Variants in NPHP4 observed in about 807,000 individuals in gnomAD.
NPHP4 encodes the protein nephrocystin-4.
NPHP4 carries 151 observed loss-of-function variants against 155.8 expected under a neutral mutation model. The ratio of observed to expected loss-of-function variants is 0.97; its 90% CI spans 0.85 to 1.11. NPHP4 has a LOEUF of 1.11. NPHP4 is among the 50% of genes least tolerant of loss of function. NPHP4 has a pLI of 0.00. For missense variants in NPHP4, 1,956 were observed against 1,925.7 expected (o/e 1.02, Z -0.29); for synonymous variants, 845 against 816.8 (o/e 1.03, Z -0.59).
intron 2 of NPHP4, among the ~76,000 whole-genome samples, chr1:5,980,211 C>T (rs1553201797): frequency 6.6e-6 from 1 of 152,196 alleles, no homozygotes; most frequent in Non-Finnish European, 1.5e-5. Context: ...ACCAACCCTG[C>T]GCTTCCCCAG....
chr1:5,874,733 G>GC, intron 21 of NPHP4, 76 bp from the exon 22 acceptor site: 1 of 1,534,780 alleles, frequency 6.5e-7, no homozygotes, highest in Non-Finnish European at 8.9e-7. Flanking sequence ...CCCACCCACC[G>GC]AGAGCGGTGC....
At chr1:5,950,865 A>G (rs556863884) in intron 7 of NPHP4, among the ~76,000 whole-genome samples, 1 of 152,322 alleles carries the variant, frequency 6.6e-6, no homozygotes, top group East Asian at 1.9e-4. Flanking sequence ...AAATAGCCCA[A>G]AAGTCCATCA....
chr1:5,874,854 G>C lies in NPHP4; in HGVS notation c.3044+20C>G. On this transcript the variant is annotated intron_variant, in intron 21 of 29. Transcript: ENST00000378156. ...ACACAGATCTGGGCTGGGGCAGGAC[G>C]GGCACCACTGAGACCTCACCTGAGC... is the stretch of plus-strand genomic sequence containing the variant. 6.2e-7 allele frequency: 1 copy of C among 1,604,706 alleles called. No individual in the cohort carries two copies.
intron 5 of NPHP4, among the ~76,000 whole-genome samples, chr1:5,962,493 G>A (rs1048017155): frequency 2.6e-5 from 4 of 152,194 alleles, no homozygotes; most frequent in South Asian, 2.1e-4. Flanking sequence ...ACCCTGGCCC[G>A]AGGCCTGCCT....
At chr1:5,886,123 C>T (rs1322174874) in intron 18 of NPHP4, among the ~76,000 whole-genome samples, 2 of 152,226 alleles carry the variant, frequency 1.3e-5, no homozygotes, top group African/African-American at 2.4e-5. Context: ...ATAAAAACAA[C>T]CAACTCGGTC....
chr1:5,932,911 T>C (rs570525358), intron 10 of NPHP4, among the ~76,000 whole-genome samples: 1 of 151,874 alleles, frequency 6.6e-6, no homozygotes, highest in Non-Finnish European at 1.5e-5. Flanking sequence ...CAGCTGGAGG[T>C]TCACCAAGTC....
At chr1:5,990,834 A>C (rs184346310) in intron 1 of NPHP4, among the ~76,000 whole-genome samples, 2 of 152,284 alleles carry the variant, frequency 1.3e-5, no homozygotes, top group East Asian at 3.9e-4. Flanking sequence ...CAGCCTCCCC[A>C]CCTGTTTCCA....
chr1:5,937,200 G>C (rs116109223), intron 9 of NPHP4, among the ~76,000 whole-genome samples: 2,334 of 152,170 alleles, frequency 0.015, 27 homozygotes, highest in Non-Finnish European at 0.022. Flanking sequence ...TGTCACACCA[G>C]GGGTTTCCTG....
chr1:5,924,319 A>G (rs1390396154), intron 11 of NPHP4, among the ~76,000 whole-genome samples: 1 of 152,136 alleles, frequency 6.6e-6, no homozygotes, highest in Non-Finnish European at 1.5e-5. Context: ...CAGAAGAAAT[A>G]TGTGAAGAAA....
chr1:5,905,778 C>G lies in NPHP4; in HGVS notation c.1617G>C (p.Glu539Asp), dbSNP rs1352782560. The stretch of plus-strand genomic sequence containing the variant: ...GGGAGATACCGGCCTCCAACGGGAA[C>G]TCCTGCTGAACAAAACGAGGGCTTC... Reference protein sequence around the residue: ...GSQASPAQAQEFPLEAGISHL... With the variant: ...GSQASPAQAQDFPLEAGISHL... Residue 539 changes from glutamate to aspartate, a missense_variant, in exon 14 of 30, where the codon GAG becomes GAC. Physicochemically the swap from Glu to Asp is conservative, Grantham distance 45 (BLOSUM62 2). Transcript: ENST00000378156. The surrounding 1 kb of genome is among the most constrained non-coding windows in gnomAD (Gnocchi z 4.0). 1 of 1,606,106 alleles carries G rather than the reference C, an allele frequency of 6.2e-7. No individual in the cohort carries two copies. Among genetic ancestry groups the G allele is most frequent in the Non-Finnish European group, 8.5e-7 (1 of 1,176,140 alleles).
Position 5,874,419 on chromosome 1 carries a change from T to A in NPHP4, c.3231+52A>T, listed in dbSNP as rs1474767996. The A allele has an allele frequency of 2.1e-6, 3 of 1,442,702 alleles. No homozygotes were observed. The East Asian group carries it at 7.5e-5, about 36-fold the overall frequency. 89.4% of individuals were successfully genotyped at this position (1,442,702 alleles called of 1,614,324 possible). A position where few individuals can be genotyped will look rare whatever the true frequency, so the allele number is the denominator to read the frequency against. ...GGTGGAGACTGGAAGCATTCTCAATTTCCCACCGTCATCAGCCAAATGCAA... is the reference window on the plus strand; with the variant it reads ...GGTGGAGACTGGAAGCATTCTCAATATCCCACCGTCATCAGCCAAATGCAA... On this transcript the variant is annotated intron_variant, in intron 22 of 29. Coordinates refer to ENST00000378156, the MANE Select transcript of NPHP4 (RefSeq NM_015102.5).
chr1:5,905,718 G>A lies in NPHP4; in HGVS notation c.1677C>T (p.Val559=), dbSNP rs766269440. Reference sequence around the variant, plus strand: ...ACTGTTCGGCAATGGATGTTTCCAGGACCAGGGAGGTCTGGCTCAGGTCGG... The same window carrying A: ...ACTGTTCGGCAATGGATGTTTCCAGAACCAGGGAGGTCTGGCTCAGGTCGG... The part of the protein sequence containing the change: ...LEADLSQTSL[V]LETSIAEQLQ... Residue 559 remains valine, a synonymous_variant, in exon 14 of 30, where the codon GTC becomes GTT. Transcript: ENST00000378156. This position sits in a 1 kb window ranked among gnomAD's most constrained non-coding sequence, Gnocchi z 4.0. The A allele has an allele frequency of 6.2e-7, 1 of 1,613,638 alleles. No individual in the cohort carries two copies. The highest frequency in any genetic ancestry group is 8.5e-7 in the Non-Finnish European group (1 of 1,179,718).
intron 11 of NPHP4, among the ~76,000 whole-genome samples, chr1:5,917,646 T>G (rs1645543882): frequency 6.6e-6 from 1 of 152,216 alleles, no homozygotes. Context: ...TGTTTTACTG[T>G]GGGCCAGGAC....
At chr1:5,925,612 T>TGTTTG (rs1645960905) in intron 11 of NPHP4, among the ~76,000 whole-genome samples, 1 of 152,016 alleles carries the variant, frequency 6.6e-6, no homozygotes, top group South Asian at 2.1e-4. Context: ...GGTTTTTTTT[T>TGTTTG]GTTTGTTTTG....
intron 9 of NPHP4, among the ~76,000 whole-genome samples, chr1:5,940,305 G>A (rs540497878): frequency 1.3e-5 from 2 of 152,128 alleles, no homozygotes; most frequent in South Asian, 4.2e-4. Context: ...CTTTCGCTAG[G>A]GAGTGACGTA....
chr1:5,916,765 T>C (rs1278185721), intron 11 of NPHP4, among the ~76,000 whole-genome samples: 1 of 152,224 alleles, frequency 6.6e-6, no homozygotes, highest in Non-Finnish European at 1.5e-5. Flanking sequence ...ATCCCAGCAT[T>C]CTGGGGCCAA....
rs369703686 is a variant in NPHP4 at position 5,874,917 on chromosome 1, T to C, written c.3001A>G (p.Thr1001Ala). The C allele has an allele frequency of 1.1e-5, 17 of 1,613,444 alleles. No individual in the cohort carries two copies. The highest frequency in any genetic ancestry group is 1.4e-5 in the Non-Finnish European group (17 of 1,179,848). The change falls in exon 21 of 30, where the codon ACA becomes GCA. Residue 1001 changes from threonine to alanine, a missense_variant. By Grantham distance (58) the Thr-to-Ala change is moderately conservative. Coordinates refer to ENST00000378156, the MANE Select transcript of NPHP4 (RefSeq NM_015102.5). ...ATCTCCACAGTCACCGTGTGCTGTGTGTTGTGGGGGTTCTTAAGCACAAAC... is the reference window on the plus strand; with the variant it reads ...ATCTCCACAGTCACCGTGTGCTGTGCGTTGTGGGGGTTCTTAAGCACAAAC... ...FEFVLKNPHNTQHTVTVEIDN... is the reference protein window; with the variant it reads ...FEFVLKNPHNAQHTVTVEIDN...
chr1:5,875,217 G>GCCA, intron 20 of NPHP4, 117 bp from the exon 21 acceptor site: 1 of 799,516 alleles, frequency 1.3e-6, no homozygotes, highest in Non-Finnish European at 2.1e-6. Context: ...CACAAGCATC[G>GCCA]CCACCACCAC....
chr1:5,870,681 CA>C lies in NPHP4; in HGVS notation c.3315+2570del, dbSNP rs140887333. ...CATCTTAACTGAATGAAAACAGTAA[CA>C]TCGCCAGTAACAGGACAAAGCAACA... On this transcript the variant is annotated intron_variant, in intron 23 of 29. Transcript: ENST00000378156. Among the ~76,000 whole-genome samples the C allele has an allele frequency of 3.9e-5, 6 of 152,316 alleles. No homozygotes were observed. In the East Asian group the frequency reaches 7.7e-4, roughly 20 times the overall value.
Sources: allele counts gnomAD v4.1 joint callset (sites outside exome capture counted in the v4.1 genomes callset), GRCh38; gene constraint gnomAD v4.1.1; non-coding constraint Gnocchi (gnomAD v3.1); transcripts MANE v1.5; gene names NCBI Gene and HGNC (gene_info 2026-07-23, HGNC 2026-07-21).